The following SMC2 variants were observed in gnomAD, a reference collection of about 807,000 sequenced individuals.
The protein encoded by SMC2 is structural maintenance of chromosomes 2.
A neutral mutation model predicts 142.6 loss-of-function variants in SMC2; 41 were observed. The observed-to-expected ratio is 0.29, with a 90% CI of 0.22 to 0.37. The LOEUF is 0.37. SMC2 is among the 10% of genes least tolerant of loss of function. SMC2 has a pLI of 1.00. For missense variants in SMC2, 1,265 were observed against 1,373.7 expected (o/e 0.92, Z 1.25); for synonymous variants, 463 against 457.5 (o/e 1.01, Z -0.15).
chr9:104,126,358 G>C (rs545608075), intron 18 of SMC2, among the ~76,000 whole-genome samples: 40 of 152,064 alleles, frequency 2.6e-4, no homozygotes, highest in African/African-American at 9.4e-4. Context: ...CATCTGTTAC[G>C]TAGAATGTTA....
intron 13 of SMC2, among the ~76,000 whole-genome samples, chr9:104,115,505 G>T (rs1832987737): frequency 6.6e-6 from 1 of 150,454 alleles, no homozygotes; most frequent in African/African-American, 2.5e-5. Context: ...AACTTGGGAA[G>T]TGGAGGTTGC....
At chr9:104,110,137 G>A (rs955945036) in intron 9 of SMC2, among the ~76,000 whole-genome samples, 12 of 152,086 alleles carry the variant, frequency 7.9e-5, no homozygotes, top group Non-Finnish European at 1.5e-4. Flanking sequence ...TTTTCATCAC[G>A]TTTAATGCAG....
At chr9:104,102,945 T>C (rs1301188934) in intron 9 of SMC2, among the ~76,000 whole-genome samples, 1 of 152,060 alleles carries the variant, frequency 6.6e-6, no homozygotes, top group African/African-American at 2.4e-5. Context: ...GCTTAAGAAA[T>C]ACAGTATGAA....
intron 20 of SMC2, among the ~76,000 whole-genome samples, chr9:104,128,772 C>T (rs983660974): frequency 2.0e-5 from 3 of 152,158 alleles, no homozygotes; most frequent in Admixed American, 6.5e-5. Flanking sequence ...AGTTGTATTA[C>T]ATGAAAAATT....
intron 21 of SMC2, 76 bp downstream of exon 21, chr9:104,129,921 C>T (rs1485964959): frequency 9.5e-7 from 1 of 1,058,162 alleles, no homozygotes; most frequent in Non-Finnish European, 1.4e-6. Context: ...ACCTCTGATG[C>T]AATTATTAGA....
intron 3 of SMC2, among the ~76,000 whole-genome samples, chr9:104,096,838 T>C (rs1255869577): frequency 6.6e-6 from 1 of 152,200 alleles, no homozygotes; most frequent in Non-Finnish European, 1.5e-5. Context: ...TTGTTCCTAG[T>C]TCCTTCACTT....
chr9:104,109,594 GCGTA>G (rs1832196177), intron 9 of SMC2, among the ~76,000 whole-genome samples: 1 of 152,066 alleles, frequency 6.6e-6, no homozygotes. Context: ...TCCGAATTAC[GCGTA>G]TGCTGTATGA....
chr9:104,136,290 A>C (rs1004759367), intron 23 of SMC2, among the ~76,000 whole-genome samples: 1 of 152,000 alleles, frequency 6.6e-6, no homozygotes, highest in African/African-American at 2.4e-5. Context: ...AATGTTCCTT[A>C]TGACCCCCTT....
chr9:104,095,403 A>G lies in SMC2; in HGVS notation c.19A>G (p.Ile7Val). MHIKSI[I>V]LEGFKSYAQR... is the part of the protein sequence containing the mutation. ...ATCGAAAATGCATATTAAGTCAATT[A>G]TTCTAGAGGGATTCAAGTCCTATGC... Residue 7 changes from isoleucine (I) to valine (V), a missense_variant, in exon 2 of 25, where the codon ATT (isoleucine) becomes GTT (valine). Transcript: ENST00000374793. 6.2e-7 allele frequency: 1 copy of G among 1,613,336 alleles called. No homozygotes were observed. The highest frequency in any genetic ancestry group is 8.5e-7 in the Non-Finnish European group (1 of 1,179,984).
intron 13 of SMC2, among the ~76,000 whole-genome samples, chr9:104,115,712 C>T (rs1183747856): frequency 6.6e-6 from 1 of 152,064 alleles, no homozygotes; most frequent in African/African-American, 2.4e-5. Context: ...TGTGTGACAG[C>T]ACCTAAAATT....
intron 2 of SMC2, 99 bp downstream of exon 2, chr9:104,095,651 A>G: frequency 1.1e-6 from 1 of 939,632 alleles, no homozygotes. Context: ...TTGTGTTTTT[A>G]TACTTTTTGT....
At position 104,127,378 on chromosome 9, in the gene SMC2, G is replaced by T; in HGVS notation, c.2688G>T (p.Val896=). 2 of 1,613,674 alleles carry T rather than the reference G, an allele frequency of 1.2e-6. No individual in the cohort carries two copies. The highest frequency in any genetic ancestry group is 1.7e-6 in the Non-Finnish European group (2 of 1,179,748). ...TAATTAAAGCTAAATATGCAGAAGT[G>T]GCAAAACACAAGGAGCAAAACAATG... ...DTVIKAKYAE[V]AKHKEQNNDS... The change falls in exon 20 of 25, where the codon GTG becomes GTT. Residue 896 remains valine (V), a synonymous_variant. Coordinates refer to ENST00000374793, the MANE Select transcript of SMC2 (RefSeq NM_006444.3).
rs750539371 is a variant in SMC2 at position 104,102,155 on chromosome 9, A to C, written c.832A>C (p.Asn278His). 2 of 1,572,560 alleles carry C rather than the reference A, an allele frequency of 1.3e-6. No homozygotes were observed. The highest frequency in any genetic ancestry group is 2.7e-5 in the African/African-American group (2 of 73,628). Residue 278 changes from asparagine (N) to histidine (H), a missense_variant, in exon 8 of 25, where the codon AAT becomes CAT. This residue lies in a region of SMC2 where 898 missense variants were observed against 904.2 expected (regional missense o/e 0.99). Coordinates refer to ENST00000374793, the MANE Select transcript of SMC2 (RefSeq NM_006444.3). ...GAATGATAAAAAAATAAAAGCACTT[A>C]ATCATGAAATAGAAGAATTGGAAAA... is the stretch of plus-strand genomic sequence containing the variant. The part of the protein sequence containing the change: ...SENDKKIKAL[N>H]HEIEELEKRK...
intron 20 of SMC2, 98 bp from the exon 21 acceptor site, chr9:104,129,547 G>A: frequency 2.1e-6 from 2 of 943,446 alleles, no homozygotes; most frequent in Non-Finnish European, 1.6e-6. Flanking sequence ...TTCCTCTTCA[G>A]TATTTGATTC....
At chr9:104,108,433 T>G (rs1448436357) in intron 9 of SMC2, among the ~76,000 whole-genome samples, 1 of 152,148 alleles carries the variant, frequency 6.6e-6, no homozygotes, top group Admixed American at 6.5e-5. Context: ...GTCCTCTAGA[T>G]AGTGAGCCTC....
rs551592205 is a variant in SMC2, at chr9:104,119,444, A to C, written c.1997-583A>C. 3.7e-4 allele frequency among the ~76,000 whole-genome samples: 57 copies of C among 152,262 alleles called. No homozygotes were observed. In the Middle Eastern group the frequency reaches 0.01, roughly 27 times the overall value. On this transcript the variant is annotated intron_variant, in intron 15 of 24. Transcript: ENST00000374793. Reference sequence around the variant, plus strand: ...GACTGCCAGATAGTTATAGTTGCATAATGTGAAATCGGCTTATTCTGCTTG... The same window carrying C: ...GACTGCCAGATAGTTATAGTTGCATCATGTGAAATCGGCTTATTCTGCTTG...
intron 18 of SMC2, among the ~76,000 whole-genome samples, chr9:104,126,095 T>G (rs1053416319): frequency 3.3e-5 from 5 of 152,024 alleles, no homozygotes; most frequent in Non-Finnish European, 7.4e-5. Flanking sequence ...ATGCAAGGGA[T>G]CTAGGTTGCA....
At chr9:104,124,232 G>T (rs578009675) in intron 17 of SMC2, among the ~76,000 whole-genome samples, 51 of 152,174 alleles carry the variant, frequency 3.4e-4, no homozygotes, top group Non-Finnish European at 5.9e-4. Flanking sequence ...GACTACAGGC[G>T]TGCATCACCA....
Position 104,140,111 on chromosome 9 carries a change from T to C in SMC2, c.*796T>C, listed in dbSNP as rs1588020402. On this transcript the variant is annotated 3_prime_UTR_variant, in exon 25 of 25. Coordinates refer to ENST00000374793, the MANE Select transcript of SMC2 (RefSeq NM_006444.3). ...TTGTTAATATTTTCCAAGATTTTTG[T>C]CAGCCTTTTCATAATCCAGTCATTA... is the stretch of plus-strand genomic sequence containing the variant. 1 of 152,238 alleles carries C rather than the reference T, an allele frequency of 6.6e-6. No individual in the cohort carries two copies. Among genetic ancestry groups the C allele is most frequent in the East Asian group, 1.9e-4 (1 of 5,188 alleles). 9.4% of individuals were successfully genotyped at this position (152,238 alleles called of 1,614,324 possible). A position where few individuals can be genotyped will look rare whatever the true frequency, so the allele number is the denominator to read the frequency against.
Sources: gnomAD v4.1 joint callset for allele counts (sites outside exome capture counted in the v4.1 genomes callset) on GRCh38, gnomAD v4.1.1 for gene constraint, gnomAD v4.1.1 regional missense constraint, MANE v1.5 for transcripts, NCBI Gene and HGNC (gene_info 2026-07-23, HGNC 2026-07-21) for gene names.